The following SNTA1 variants were observed in gnomAD, a reference collection of about 807,000 sequenced individuals.
The protein encoded by SNTA1 is syntrophin alpha 1.
In SNTA1, 31 loss-of-function variants were observed where a neutral mutation model predicts 47.1. That is an observed-to-expected ratio of 0.66 (90% CI 0.49 to 0.89). SNTA1 has a LOEUF of 0.89. SNTA1 is among the 40% of genes least tolerant of loss of function. The probability of loss-of-function intolerance (pLI) is 0.00; values close to 1 mark genes in which losing one functional copy is unlikely to be tolerated. For synonymous variants in SNTA1, 300 were observed against 313.6 expected (o/e 0.96, Z 0.46); for missense variants, 575 against 693.0 (o/e 0.83, Z 1.91).
intron 2 of SNTA1, among the ~76,000 whole-genome samples, chr20:33,423,439 C>T (rs1487782892): frequency 2.0e-5 from 3 of 152,196 alleles, no homozygotes; most frequent in African/African-American, 7.2e-5. Context: ...CCAGCATTCT[C>T]GAGACTCCAA....
rs189801845 is a variant in SNTA1, at chr20:33,422,179, C to T, written c.497-4256G>A. Among the ~76,000 whole-genome samples the T allele has an allele frequency of 1.2e-4, 19 of 152,240 alleles. 1 individual carries two copies. Among genetic ancestry groups the T allele is most frequent in the Admixed American group, 9.2e-4 (14 of 15,290 alleles). On this transcript the variant is annotated intron_variant, in intron 2 of 7. Coordinates refer to ENST00000217381, the MANE Select transcript of SNTA1 (RefSeq NM_003098.3). The stretch of plus-strand genomic sequence containing the variant: ...AGAAATTGCCGGGCACAGTGCCTCA[C>T]GCCTGTAATCCCAGCACTTGGGAGG...
chr20:33,411,434 C>T (rs1260130038), intron 5 of SNTA1, among the ~76,000 whole-genome samples: 1 of 152,092 alleles, frequency 6.6e-6, no homozygotes, highest in African/African-American at 2.4e-5. Context: ...AATTTTACAC[C>T]CATGTGGTTT....
Position 33,417,798 on chromosome 20 carries a change from T to C in SNTA1, c.622A>G (p.Asn208Asp). ...QPSSPGPTPR[N>D]FSEAKHMSLK... ...GACATGTGTTTGGCCTCGCTGAAGT[T>C]CCGGGGTGTGGGGCCAGGGGAGGAA... The change falls in exon 3 of 8, where the codon AAC becomes GAC. Residue 208 changes from asparagine (N) to aspartate (D), a missense_variant. Transcript: ENST00000217381. 2 of 1,614,056 alleles carry C rather than the reference T, an allele frequency of 1.2e-6. No individual in the cohort carries two copies. The highest frequency in any genetic ancestry group is 1.1e-5 in the South Asian group (1 of 91,066).
intron 2 of SNTA1, among the ~76,000 whole-genome samples, chr20:33,424,960 C>T (rs778225039): frequency 3.8e-4 from 57 of 151,904 alleles, no homozygotes; most frequent in Non-Finnish European, 7.2e-4. Context: ...ACTAAAACTA[C>T]AACAAATTAG....
intron 1 of SNTA1, among the ~76,000 whole-genome samples, chr20:33,441,036 A>G (rs535492716): frequency 6.6e-6 from 1 of 152,376 alleles, no homozygotes; most frequent in African/African-American, 2.4e-5. Context: ...AATACATTTT[A>G]CTAAACATCT....
At chr20:33,429,554 C>A (rs543897627) in intron 2 of SNTA1, among the ~76,000 whole-genome samples, 1 of 151,726 alleles carries the variant, frequency 6.6e-6, no homozygotes, top group African/African-American at 2.4e-5. Context: ...CGCTTGAACC[C>A]AGGAGGCAGA....
At chr20:33,427,334 C>T (rs545361352) in intron 2 of SNTA1, among the ~76,000 whole-genome samples, 1 of 152,242 alleles carries the variant, frequency 6.6e-6, no homozygotes, top group East Asian at 1.9e-4. Context: ...ATATAATGGG[C>T]ACTGATATGT....
At chr20:33,432,534 A>G (rs1241382656) in intron 2 of SNTA1, among the ~76,000 whole-genome samples, 1 of 152,226 alleles carries the variant, frequency 6.6e-6, no homozygotes, top group Non-Finnish European at 1.5e-5. Flanking sequence ...GCTGAGAGAC[A>G]AGCTACATGT....
chr20:33,408,541 G>T lies in SNTA1; in HGVS notation c.1484C>A (p.Ser495Ter), dbSNP rs144006909. 20 of 1,614,114 alleles carry T rather than the reference G, an allele frequency of 1.2e-5. No homozygotes were observed. Among genetic ancestry groups the T allele is most frequent in the Non-Finnish European group, 1.7e-5 (20 of 1,179,952 alleles). The change falls in exon 8 of 8, where the codon TCG becomes TAG. Residue 495 changes from serine (S) to a stop codon, truncating the protein, a stop_gained. Coordinates refer to ENST00000217381, the MANE Select transcript of SNTA1 (RefSeq NM_003098.3). LOFTEE classifies it high-confidence loss of function. ...CAGCCCGAGGCGGGTGACTTTGGCC[G>T]ACAGGAAGGAGTGGATGATGAAGAC... ...TIVFIIHSFL[S>*]AKVTRLGLLA
At chr20:33,431,760 C>T (rs1184511422) in intron 2 of SNTA1, among the ~76,000 whole-genome samples, 1 of 151,912 alleles carries the variant, frequency 6.6e-6, no homozygotes, top group African/African-American at 2.4e-5. Context: ...AAGAAAAAAA[C>T]AAGCATAGGG....
intron 2 of SNTA1, among the ~76,000 whole-genome samples, chr20:33,437,748 CG>C (rs1990477424): frequency 6.6e-6 from 1 of 152,194 alleles, no homozygotes; most frequent in South Asian, 2.1e-4. Context: ...CAGGCCCCCA[CG>C]GGGCTTCCAG....
chr20:33,408,677 G>A, intron 7 of SNTA1, 24 bp downstream of exon 7: 1 of 1,613,056 alleles, frequency 6.2e-7, no homozygotes, highest in Non-Finnish European at 8.5e-7. Context: ...CCTCCCCAGG[G>A]TGCAGAGGCA....
rs895844317 is a variant in SNTA1 at position 33,443,417 on chromosome 20, C to T, written c.204G>A (p.Ala68=). 2.2e-6 allele frequency: 3 copies of T among 1,341,242 alleles called. No individual in the cohort carries two copies. The highest frequency in any genetic ancestry group is 2.8e-6 in the Non-Finnish European group (3 of 1,053,858). The allele number at this position is 1,341,242 out of a possible 1,614,324, so 83.1% of individuals were successfully genotyped here. A position where few individuals can be genotyped will look rare whatever the true frequency, so the allele number is the denominator to read the frequency against. The change falls in exon 1 of 8, where the codon GCG becomes GCA. Residue 68 remains alanine (A), a synonymous_variant. Coordinates refer to ENST00000217381, the MANE Select transcript of SNTA1 (RefSeq NM_003098.3). ...GCTGCGGGGGCCCGGCGCCCGGCTC[C>T]GCGGCGCCGTTGAGCTGCGCGGGCT... The part of the protein sequence containing the change: ...EQEPAQLNGA[A]EPGAGPPQLP...
intron 3 of SNTA1, among the ~76,000 whole-genome samples, chr20:33,414,200 T>G (rs1989814847): frequency 7.8e-6 from 1 of 128,128 alleles, no homozygotes; most frequent in Non-Finnish European, 1.5e-5. Context: ...ATCGTGCCAT[T>G]GCACTCCAGC....
intron 2 of SNTA1, among the ~76,000 whole-genome samples, chr20:33,426,427 G>C (rs1477324452): frequency 6.7e-6 from 1 of 149,698 alleles, no homozygotes; most frequent in East Asian, 2.0e-4. Flanking sequence ...CTCCAGCCAG[G>C]GTGACAGAGC....
chr20:33,437,438 A>G (rs1245157662), intron 2 of SNTA1, among the ~76,000 whole-genome samples: 1 of 151,840 alleles, frequency 6.6e-6, no homozygotes, highest in African/African-American at 2.4e-5. Flanking sequence ...GAAAAAAAAA[A>G]AAAACAAGAA....
At chr20:33,441,646 T>A (rs1283299198) in intron 1 of SNTA1, among the ~76,000 whole-genome samples, 1 of 152,144 alleles carries the variant, frequency 6.6e-6, no homozygotes, top group African/African-American at 2.4e-5. Flanking sequence ...TAGGAGGGGT[T>A]ACCATGGCAA....
intron 2 of SNTA1, among the ~76,000 whole-genome samples, chr20:33,425,008 C>G (rs1458838051): frequency 6.6e-6 from 1 of 151,586 alleles, no homozygotes; most frequent in African/African-American, 2.4e-5. Flanking sequence ...CCCAGCCACT[C>G]GGGAGGCTGA....
At position 33,408,350 on chromosome 20, in the gene SNTA1, C is replaced by A. The variant is rs1449623386; in HGVS notation, c.*157G>T. 3 of 690,024 alleles carry A rather than the reference C, an allele frequency of 4.3e-6. No homozygotes were observed. The highest frequency in any genetic ancestry group is 5.3e-6 in the Non-Finnish European group (2 of 375,610). 42.7% of individuals were successfully genotyped at this position (690,024 alleles called of 1,614,324 possible). ...TGTCCTGCGTCTGGGTCCTGGGCCCCAAGACCAATCCAGTCTCCCTCAGGG... is the reference window on the plus strand; with the variant it reads ...TGTCCTGCGTCTGGGTCCTGGGCCCAAAGACCAATCCAGTCTCCCTCAGGG... On this transcript the variant is annotated 3_prime_UTR_variant, in exon 8 of 8. Transcript: ENST00000217381.
Sources: allele counts gnomAD v4.1 joint callset (sites outside exome capture counted in the v4.1 genomes callset), GRCh38; gene constraint gnomAD v4.1.1; transcripts MANE v1.5; gene names NCBI Gene and HGNC (gene_info 2026-07-23, HGNC 2026-07-21).